Variants in NBAS observed in about 807,000 individuals in gnomAD.
NBAS encodes NBAS subunit of NRZ tethering complex.
Under a neutral mutation model 302.5 loss-of-function variants are expected in NBAS, and 219 were observed. The observed-to-expected ratio is 0.72, with a 90% CI of 0.65 to 0.81. The LOEUF (loss-of-function observed/expected upper bound fraction) is 0.81, where lower values mean the gene tolerates loss of function less well. Ranked by LOEUF, NBAS falls within the 30% of genes least tolerant of loss-of-function variation. The pLI is 0.00. For missense variants in NBAS, 2,932 were observed against 2,841.6 expected, an observed-to-expected ratio of 1.03 and a Z score of -0.72; for synonymous variants, 1,118 against 1,021.6, an observed-to-expected ratio of 1.09 and a Z score of -1.80.
chr2:15,511,270 A>C lies in NBAS; in HGVS notation c.827T>G (p.Val276Gly). Reference sequence around the variant, plus strand: ...CTTATAATACGGTGATCCTGAAAGAACTCTCCAGGCAGAAAGGCCACAGCT... The same window carrying C: ...CTTATAATACGGTGATCCTGAAAGACCTCTCCAGGCAGAAAGGCCACAGCT... ...ASSCGLSAWR[V>G]LSGSPYYKQV... The change falls in exon 10 of 52, where the codon GTT (valine) becomes GGT (glycine). Residue 276 changes from valine (V) to glycine (G), a missense_variant. Val to Gly is a moderately radical substitution (Grantham distance 109, BLOSUM62 -3). Transcript: ENST00000281513. 6.2e-7 allele frequency: 1 copy of C among 1,613,904 alleles called. No individual in the cohort carries two copies. The highest frequency in any genetic ancestry group is 8.5e-7 in the Non-Finnish European group (1 of 1,179,944).
At chr2:15,411,068 C>T (rs1035470404) in intron 25 of NBAS, among the ~76,000 whole-genome samples, 1 of 152,134 alleles carries the variant, frequency 6.6e-6, no homozygotes, top group African/African-American at 2.4e-5. Flanking sequence ...CTTGGTACCC[C>T]TCCTCGGTGG....
chr2:15,301,626 A>C (rs1255784962), intron 40 of NBAS, among the ~76,000 whole-genome samples: 3 of 152,236 alleles, frequency 2.0e-5, no homozygotes, highest in Admixed American at 1.3e-4. Flanking sequence ...CAGAAGGCTC[A>C]GCAAGGCAGC....
chr2:15,283,076 T>C (rs565456907), intron 42 of NBAS, among the ~76,000 whole-genome samples: 4 of 152,118 alleles, frequency 2.6e-5, no homozygotes, highest in African/African-American at 9.7e-5. Context: ...TATTAGAATA[T>C]AAGCTCCATT....
intron 38 of NBAS, among the ~76,000 whole-genome samples, chr2:15,309,849 A>G (rs911437792): frequency 6.6e-6 from 1 of 152,176 alleles, no homozygotes; most frequent in Non-Finnish European, 1.5e-5. Flanking sequence ...CAACTTGCCA[A>G]TGTCATAGCT....
chr2:14,970,672 A>G, the NBAS span, among the ~76,000 whole-genome samples: 1 of 152,176 alleles, frequency 6.6e-6, no homozygotes, highest in Non-Finnish European at 1.5e-5. Context: ...AAGTGGAAAG[A>G]ACTGGAACTG....
At chr2:15,281,384 A>T (rs1669818499) in intron 42 of NBAS, among the ~76,000 whole-genome samples, 1 of 152,230 alleles carries the variant, frequency 6.6e-6, no homozygotes, top group South Asian at 2.1e-4. Flanking sequence ...GCACTATGTC[A>T]TCTGATTTAA....
chr2:14,869,506 T>C, the NBAS span, among the ~76,000 whole-genome samples: 1 of 152,290 alleles, frequency 6.6e-6, no homozygotes, highest in African/African-American at 2.4e-5. Flanking sequence ...TTTTATGTTT[T>C]AATTTATCAA....
chr2:15,160,743 G>A, the NBAS span, among the ~76,000 whole-genome samples: 95 of 152,282 alleles, frequency 6.2e-4, 1 homozygote, highest in South Asian at 0.013. Context: ...AAATTTTGGC[G>A]CACAGATTGA....
At chr2:15,317,339 T>A (rs897579987) in intron 38 of NBAS, among the ~76,000 whole-genome samples, 12 of 152,110 alleles carry the variant, frequency 7.9e-5, no homozygotes, top group African/African-American at 2.9e-4. Context: ...GAGCACCTCT[T>A]TTCCTCCAAT....
chr2:15,344,791 C>T (rs114371152), intron 35 of NBAS, among the ~76,000 whole-genome samples: 201 of 152,170 alleles, frequency 1.3e-3, no homozygotes, highest in African/African-American at 4.3e-3. Context: ...GAATCCAGTA[C>T]CACATCAAAA....
chr2:14,911,341 C>T, the NBAS span, among the ~76,000 whole-genome samples: 1 of 152,186 alleles, frequency 6.6e-6, no homozygotes, highest in Admixed American at 6.5e-5. Context: ...TTTATTTTCT[C>T]CCCTATGAGA....
At chr2:15,194,258 C>A (rs1005364214) in intron 48 of NBAS, among the ~76,000 whole-genome samples, 3 of 152,016 alleles carry the variant, frequency 2.0e-5, no homozygotes, top group Non-Finnish European at 4.4e-5. Flanking sequence ...CCAAGTTACA[C>A]CATAATTTGA....
At chr2:15,247,268 G>C (rs919174735) in intron 44 of NBAS, among the ~76,000 whole-genome samples, 19 of 152,150 alleles carry the variant, frequency 1.2e-4, no homozygotes, top group African/African-American at 4.3e-4. Flanking sequence ...ACCAGTACCA[G>C]CCACTGCAGA....
chr2:14,975,439 C>T, the NBAS span, among the ~76,000 whole-genome samples: 3 of 152,190 alleles, frequency 2.0e-5, no homozygotes, highest in South Asian at 2.1e-4. Flanking sequence ...ATTGATACTA[C>T]TTCTATCACT....
At chr2:15,047,049 T>A in the NBAS span, among the ~76,000 whole-genome samples, 9 of 152,296 alleles carry the variant, frequency 5.9e-5, no homozygotes, top group Middle Eastern at 3.4e-3. Context: ...GCAGCAGAGA[T>A]GTTTCCTAAA....
the NBAS span, among the ~76,000 whole-genome samples, chr2:14,871,361 T>C: frequency 2.0e-5 from 3 of 151,854 alleles, no homozygotes; most frequent in African/African-American, 7.3e-5. Context: ...GACACAAAAG[T>C]AAAATAAAAA....
At chr2:15,463,981 A>C (rs979807756) in intron 19 of NBAS, among the ~76,000 whole-genome samples, 10 of 152,088 alleles carry the variant, frequency 6.6e-5, no homozygotes, top group African/African-American at 2.4e-4. Flanking sequence ...TATTTAGTGA[A>C]AGAGAGAAGG....
the NBAS span, among the ~76,000 whole-genome samples, chr2:15,005,400 T>C: frequency 6.6e-6 from 1 of 152,234 alleles, no homozygotes; most frequent in Admixed American, 6.5e-5. Flanking sequence ...GAAGAGCGAT[T>C]CATTTAGTTA....
the NBAS span, among the ~76,000 whole-genome samples, chr2:15,087,657 G>T: frequency 6.6e-6 from 1 of 152,196 alleles, no homozygotes; most frequent in African/African-American, 2.4e-5. Context: ...AAGGACACTG[G>T]CCAGGCCTGA....
Sources: gnomAD v4.1 joint callset for allele counts (sites outside exome capture counted in the v4.1 genomes callset) on GRCh38, gnomAD v4.1.1 for gene constraint, MANE v1.5 for transcripts, NCBI Gene and HGNC (gene_info 2026-07-23, HGNC 2026-07-21) for gene names.